PCLO: variants seen among roughly 807,000 people sequenced by gnomAD.
PCLO encodes the protein piccolo presynaptic cytomatrix protein.
In PCLO, 82 loss-of-function variants were observed where a neutral mutation model predicts 427.5. The ratio of observed to expected loss-of-function variants is 0.19; its 90% CI spans 0.16 to 0.23. The LOEUF is 0.23. Among genes scored for constraint, PCLO ranks in the 10% least tolerant of loss-of-function variants. The pLI, the probability that PCLO is intolerant of heterozygous loss-of-function variation, is 1.00. For synonymous variants in PCLO, 2,357 were observed against 2,155.4 expected, an observed-to-expected ratio of 1.09 and a Z score of -2.59; for missense variants, 6,239 against 6,115.9, an observed-to-expected ratio of 1.02 and a Z score of -0.67.
Position 82,954,643 on chromosome 7 carries a change from C to T in PCLO, c.6310G>A (p.Ala2104Thr). The T allele has an allele frequency of 6.2e-7, 1 of 1,613,910 alleles. No homozygotes were observed. Among genetic ancestry groups the T allele is most frequent in the Non-Finnish European group, 8.5e-7 (1 of 1,179,848 alleles). ...GAGAGAACACTTGATGTCAAAGAGG[C>T]ATCTGGCATTCTGTCAAAGTCCATG... ...STMDFDRMPD[A>T]SLTSSVLSGA... The change falls in exon 5 of 25, where the codon GCC (alanine) becomes ACC (threonine). Residue 2104 changes from alanine to threonine, a missense_variant. Transcript: ENST00000333891.
At chr7:83,020,201 T>C (rs766888682) in intron 3 of PCLO, among the ~76,000 whole-genome samples, 4 of 152,126 alleles carry the variant, frequency 2.6e-5, no homozygotes, top group Non-Finnish European at 4.4e-5. Context: ...GTTTATATTA[T>C]TAATTGCTCT....
At position 82,953,511 on chromosome 7, in the gene PCLO, G is replaced by T. The variant is rs1458159764; in HGVS notation, c.7442C>A (p.Thr2481Asn). 1 of 1,613,566 alleles carries T rather than the reference G, an allele frequency of 6.2e-7. No individual in the cohort carries two copies. Among genetic ancestry groups the T allele is most frequent in the East Asian group, 2.2e-5 (1 of 44,840 alleles). ...NGLPVTRICT[T>N]APPPVPPKPS... ...CTTAGGAGGAACAGGAGGAGGTGCA[G>T]TAGTACATATTCTTGTAACAGGTAA... Residue 2481 changes from threonine to asparagine, a missense_variant, in exon 5 of 25, where the codon ACT (threonine) becomes AAT (asparagine). By Grantham distance (65) the Thr-to-Asn change is moderately conservative (BLOSUM62 0). Transcript: ENST00000333891.
intron 3 of PCLO, among the ~76,000 whole-genome samples, chr7:82,969,343 T>C (rs1795851723): frequency 6.6e-6 from 1 of 152,142 alleles, no homozygotes; most frequent in African/African-American, 2.4e-5. Context: ...AGGTTTGTAA[T>C]GCAAACAGAA....
In PCLO at chr7:83,147,473, A is replaced by G. The variant is rs573577597; in HGVS notation, c.1893+7275T>C. On this transcript the variant is annotated intron_variant, in intron 2 of 24. Coordinates refer to ENST00000333891, the MANE Select transcript of PCLO (RefSeq NM_033026.6). ...GAATCTAGGTACTTTATTTTTTTCT[A>G]TTGGCTCCATGCAAACATTAGGACC... Among the ~76,000 whole-genome samples, 7 of 152,204 alleles carry G rather than the reference A, an allele frequency of 4.6e-5. No homozygotes were observed. The South Asian group carries it at 1.4e-3, about 31-fold the overall frequency.
chr7:82,999,514 T>C (rs188744462), intron 3 of PCLO, among the ~76,000 whole-genome samples: 1 of 40,964 alleles, frequency 2.4e-5, no homozygotes, highest in Non-Finnish European at 4.1e-5. Context: ...TATATTAAAA[T>C]ATAAAATATA....
At chr7:83,029,037 C>G (rs1165832617) in intron 3 of PCLO, among the ~76,000 whole-genome samples, 3 of 152,132 alleles carry the variant, frequency 2.0e-5, no homozygotes, top group Non-Finnish European at 2.9e-5. Flanking sequence ...CCATTCAGGA[C>G]TTAGGCATGG....
intron 3 of PCLO, among the ~76,000 whole-genome samples, chr7:83,126,410 T>C (rs1344357325): frequency 1.3e-5 from 2 of 152,276 alleles, no homozygotes; most frequent in South Asian, 2.1e-4. Flanking sequence ...AAATGAGAAA[T>C]GCTTGAGCTG....
chr7:82,878,190 T>C (rs74629165), intron 10 of PCLO, among the ~76,000 whole-genome samples: 9,622 of 152,246 alleles, frequency 0.063, 425 homozygotes, highest in East Asian at 0.2. Flanking sequence ...GAATATCTTA[T>C]TGATGTGGAG....
At position 83,013,117 on chromosome 7, in the gene PCLO, G is replaced by T. The variant is rs575579600; in HGVS notation, c.3301-46630C>A. Among the ~76,000 whole-genome samples, 16 of 151,766 alleles carry T rather than the reference G, an allele frequency of 1.1e-4. No individual in the cohort carries two copies. The East Asian group carries it at 2.9e-3, about 28-fold the overall frequency. On this transcript the variant is annotated intron_variant, in intron 3 of 24. Coordinates refer to ENST00000333891, the MANE Select transcript of PCLO (RefSeq NM_033026.6). The stretch of plus-strand genomic sequence containing the variant: ...ATATATACATATATTTTCCAGCTAG[G>T]TATATAAATAAAAGTGAATATGGCA...
rs199609017 is a variant in PCLO at position 83,030,119 on chromosome 7, G to GAAAAAAA, written c.3301-63639_3301-63633dup. 3.3e-4 allele frequency among the ~76,000 whole-genome samples: 34 copies of GAAAAAAA among 104,546 alleles called. 2 individuals carry two copies. The highest frequency in any genetic ancestry group is 9.9e-4 in the South Asian group (3 of 3,040). 68.6% of individuals were successfully genotyped at this position (104,546 alleles called of 152,430 possible). A position where few individuals can be genotyped will look rare whatever the true frequency, so the allele number is the denominator to read the frequency against. On this transcript the variant is annotated intron_variant, in intron 3 of 24. Coordinates refer to ENST00000333891, the MANE Select transcript of PCLO (RefSeq NM_033026.6). ...TAAAACTTAAAGTATAATAATAAAA[G>GAAAAAAA]AAAAAAAAAAAAAAAGAAAAGAAAA... is the stretch of plus-strand genomic sequence containing the variant.
At chr7:83,074,062 C>G (rs1484573230) in intron 3 of PCLO, among the ~76,000 whole-genome samples, 1 of 151,918 alleles carries the variant, frequency 6.6e-6, no homozygotes, top group Non-Finnish European at 1.5e-5. Flanking sequence ...CCTTATCTTT[C>G]TAGTATATGT....
intron 12 of PCLO, among the ~76,000 whole-genome samples, chr7:82,845,981 C>T (rs1288001298): frequency 6.8e-6 from 1 of 146,252 alleles, no homozygotes; most frequent in Non-Finnish European, 1.5e-5. Context: ...TTGTGGCTGT[C>T]AGAGTAGGAA....
chr7:83,119,497 A>C (rs1489413227), intron 3 of PCLO, among the ~76,000 whole-genome samples: 1 of 152,114 alleles, frequency 6.6e-6, no homozygotes, highest in Non-Finnish European at 1.5e-5. Flanking sequence ...AAATGCAGTG[A>C]CCAAAGACTT....
rs989274715 is a variant in PCLO, at chr7:82,999,219, T to C, written c.3301-32732A>G. ...AATTGTGGGATACCTATTAAAGATA[T>C]ATGGATATATATATTATATAAAATA... On this transcript the variant is annotated intron_variant, in intron 3 of 24. Transcript: ENST00000333891. Among the ~76,000 whole-genome samples the C allele has an allele frequency of 7.6e-5, 11 of 143,820 alleles. No homozygotes were observed. In the South Asian group the frequency reaches 1.1e-3, roughly 14 times the overall value. 94.4% of individuals were successfully genotyped at this position (143,820 alleles called of 152,430 possible).
intron 3 of PCLO, among the ~76,000 whole-genome samples, chr7:83,087,370 T>C (rs1456704837): frequency 3.9e-5 from 6 of 151,912 alleles, no homozygotes; most frequent in Non-Finnish European, 7.4e-5. Context: ...ACTGGGGTAA[T>C]GGGAGCACTA....
chr7:82,763,850 A>G (rs1187527230), intron 22 of PCLO, among the ~76,000 whole-genome samples: 1 of 152,088 alleles, frequency 6.6e-6, no homozygotes, highest in Non-Finnish European at 1.5e-5. Context: ...AACTCCAAGC[A>G]TAAATAAAAG....
rs987470557 is a variant in PCLO, at chr7:82,756,147, A to G, written c.*2428T>C. 6.6e-6 allele frequency: 1 copy of G among 152,160 alleles called. No homozygotes were observed. Among genetic ancestry groups the G allele is most frequent in the Non-Finnish European group, 1.5e-5 (1 of 68,032 alleles). 9.4% of individuals were successfully genotyped at this position (152,160 alleles called of 1,614,324 possible). ...AAGCTAACTGGTCATACAAACTCTCATGCATACCTATGGATATGAGTGGCT... is the reference window on the plus strand; with the variant it reads ...AAGCTAACTGGTCATACAAACTCTCGTGCATACCTATGGATATGAGTGGCT... On this transcript the variant is annotated 3_prime_UTR_variant, in exon 25 of 25. Coordinates refer to ENST00000333891, the MANE Select transcript of PCLO (RefSeq NM_033026.6).
At chr7:82,860,326 T>C (rs1447114707) in intron 10 of PCLO, among the ~76,000 whole-genome samples, 4 of 151,440 alleles carry the variant, frequency 2.6e-5, no homozygotes, top group Non-Finnish European at 5.9e-5. Context: ...GAAAAAAAAA[T>C]AACATACAAT....
intron 3 of PCLO, among the ~76,000 whole-genome samples, chr7:83,085,135 G>A (rs12113907): frequency 0.49 from 74,208 of 151,818 alleles, 18,266 homozygotes; most frequent in African/African-American, 0.51. Flanking sequence ...GCATTACCCA[G>A]CACAACTTTA....
Sources: gnomAD v4.1 joint callset for allele counts (sites outside exome capture counted in the v4.1 genomes callset) on GRCh38, gnomAD v4.1.1 for gene constraint, MANE v1.5 for transcripts, NCBI Gene and HGNC (gene_info 2026-07-23, HGNC 2026-07-21) for gene names.